ELP3: variants seen among roughly 807,000 people sequenced by gnomAD.
ELP3 encodes the protein elongator complex protein 3.
A neutral mutation model predicts 74.9 loss-of-function variants in ELP3; 56 were observed. The ratio of observed to expected loss-of-function variants is 0.75; its 90% CI spans 0.60 to 0.93. The LOEUF is 0.93. Among genes scored for constraint, ELP3 ranks in the 40% least tolerant of loss-of-function variants. The pLI is 0.00. For synonymous variants in ELP3, 222 were observed against 239.8 expected, an observed-to-expected ratio of 0.93 and a Z score of 0.68; for missense variants, 573 against 686.5, an observed-to-expected ratio of 0.83 and a Z score of 1.85.
intron 14 of ELP3, among the ~76,000 whole-genome samples, chr8:28,185,631 T>G (rs1340383274): frequency 6.6e-6 from 1 of 152,040 alleles, no homozygotes. Context: ...TCTGCACAGG[T>G]CTCCTGGTGG....
chr8:28,119,881 C>T (rs1351439967), intron 7 of ELP3, among the ~76,000 whole-genome samples: 5 of 151,966 alleles, frequency 3.3e-5, no homozygotes, highest in Admixed American at 3.3e-4. Flanking sequence ...AGGCCTCTCT[C>T]ACTGAGCATA....
chr8:28,102,327 C>G (rs1190191342), intron 3 of ELP3, among the ~76,000 whole-genome samples: 1 of 152,194 alleles, frequency 6.6e-6, no homozygotes, highest in Non-Finnish European at 1.5e-5. Context: ...CATGGTACCA[C>G]CGTGCACTCA....
intron 10 of ELP3, among the ~76,000 whole-genome samples, chr8:28,142,420 G>A (rs1314907278): frequency 6.6e-6 from 1 of 152,164 alleles, no homozygotes; most frequent in Non-Finnish European, 1.5e-5. Context: ...CATCACTTAT[G>A]GAGCTTGTGA....
intron 14 of ELP3, among the ~76,000 whole-genome samples, chr8:28,170,512 C>T (rs1307690895): frequency 6.6e-6 from 1 of 152,184 alleles, no homozygotes; most frequent in Admixed American, 6.5e-5. Flanking sequence ...CTCTGTTTCC[C>T]TTTGCAACCC....
chr8:28,131,608 C>T (rs939857758), intron 8 of ELP3, among the ~76,000 whole-genome samples: 21 of 152,204 alleles, frequency 1.4e-4, no homozygotes, highest in African/African-American at 5.1e-4. Context: ...AGGATAGCCA[C>T]AAGACTTCAG....
chr8:28,183,805 C>G (rs1815118066), intron 14 of ELP3, among the ~76,000 whole-genome samples: 1 of 152,234 alleles, frequency 6.6e-6, no homozygotes, highest in South Asian at 2.1e-4. Context: ...CATTCCCCAT[C>G]CCAGGGATTT....
chr8:28,179,228 C>G (rs1814895095), intron 14 of ELP3, among the ~76,000 whole-genome samples: 1 of 152,218 alleles, frequency 6.6e-6, no homozygotes, highest in South Asian at 2.1e-4. Flanking sequence ...TGTATATTTA[C>G]CACTTCTTTG....
At chr8:28,130,430 A>G (rs1415852154) in intron 8 of ELP3, among the ~76,000 whole-genome samples, 1 of 152,172 alleles carries the variant, frequency 6.6e-6, no homozygotes, top group Non-Finnish European at 1.5e-5. Flanking sequence ...AACTAGGGAA[A>G]CAAGCACTGA....
At chr8:28,148,205 TACTACAA>T (rs1813503443) in intron 10 of ELP3, among the ~76,000 whole-genome samples, 1 of 152,186 alleles carries the variant, frequency 6.6e-6, no homozygotes, top group South Asian at 2.1e-4. Context: ...ATTGGTGTAA[TACTACAA>T]TAGCATTAGG....
intron 11 of ELP3, among the ~76,000 whole-genome samples, chr8:28,157,289 C>CAAAAAA (rs35938340): frequency 9.4e-6 from 1 of 106,762 alleles, no homozygotes. Flanking sequence ...AAAAGCATGC[C>CAAAAAA]AAAAAAAAAA....
At chr8:28,184,708 T>C (rs919500074) in intron 14 of ELP3, among the ~76,000 whole-genome samples, 3 of 152,208 alleles carry the variant, frequency 2.0e-5, no homozygotes, top group African/African-American at 7.2e-5. Flanking sequence ...TAAAGCACTT[T>C]GACCAACAAT....
intron 14 of ELP3, among the ~76,000 whole-genome samples, chr8:28,187,867 C>T (rs1815302187): frequency 6.6e-6 from 1 of 152,110 alleles, no homozygotes; most frequent in Non-Finnish European, 1.5e-5. Context: ...ATCTGAGGCT[C>T]AAGGAGAGCT....
intron 6 of ELP3, 42 bp from the exon 7 acceptor site, chr8:28,112,959 CCTTCTTAGAGTAGTTCCT>C: frequency 6.8e-7 from 1 of 1,461,144 alleles, no homozygotes; most frequent in East Asian, 2.3e-5. Flanking sequence ...ATTTGCAATG[CCTTCTTAGAGTAGTTCCT>C]TATGCTTATA....
intron 14 of ELP3, among the ~76,000 whole-genome samples, chr8:28,179,199 C>CA (rs1814893569): frequency 6.6e-6 from 1 of 152,214 alleles, no homozygotes; most frequent in South Asian, 2.1e-4. Flanking sequence ...ACCAGCCCCC[C>CA]ACATATAACA....
At chr8:28,100,027 G>A in intron 3 of ELP3, 61 bp downstream of exon 3, 3 of 1,609,108 alleles carry the variant, frequency 1.9e-6, no homozygotes, top group South Asian at 1.1e-5. Flanking sequence ...AGAAGTCCCT[G>A]CTCCATGTGA....
chr8:28,180,457 A>G (rs1418041264), intron 14 of ELP3, among the ~76,000 whole-genome samples: 1 of 152,108 alleles, frequency 6.6e-6, no homozygotes, highest in Non-Finnish European at 1.5e-5. Context: ...ATCTTTTTCC[A>G]TTCTGTAATG....
At chr8:28,097,421 T>A (rs1811294609) in intron 2 of ELP3, 103 bp downstream of exon 2, 1 of 748,544 alleles carries the variant, frequency 1.3e-6, no homozygotes. Flanking sequence ...TTATTTTAGT[T>A]GAGAATTTTA....
chr8:28,117,229 A>C (rs556507299), intron 7 of ELP3, among the ~76,000 whole-genome samples: 3 of 152,156 alleles, frequency 2.0e-5, no homozygotes, highest in Non-Finnish European at 2.9e-5. Context: ...GCCAACTAAG[A>C]TCTGCATAGT....
intron 14 of ELP3, among the ~76,000 whole-genome samples, chr8:28,163,560 T>G (rs936468893): frequency 1.3e-5 from 2 of 151,942 alleles, no homozygotes; most frequent in Admixed American, 6.6e-5. Context: ...GCTTTATTTA[T>G]TTATTTTTTT....
Sources: allele counts gnomAD v4.1 joint callset (sites outside exome capture counted in the v4.1 genomes callset), GRCh38; gene constraint gnomAD v4.1.1; transcripts MANE v1.5; gene names NCBI Gene and HGNC (gene_info 2026-07-23, HGNC 2026-07-21).